SPMIP4: variants seen among roughly 807,000 people sequenced by gnomAD.
SPMIP4 encodes sperm-associated microtubule inner protein 4.
chr7:25,150,189 G>A, the SPMIP4 span, among the ~76,000 whole-genome samples: 26 of 152,136 alleles, frequency 1.7e-4, no homozygotes, highest in Non-Finnish European at 2.9e-4. Flanking sequence ...ATTCAGGATG[G>A]CTGCCAAGGA....
the SPMIP4 span, among the ~76,000 whole-genome samples, chr7:25,156,434 T>C: frequency 6.6e-6 from 1 of 152,198 alleles, no homozygotes; most frequent in African/African-American, 2.4e-5. Context: ...GAAGAGAATT[T>C]GAAAAGCTCA....
chr7:25,130,396 T>A, the SPMIP4 span, among the ~76,000 whole-genome samples: 1 of 144,270 alleles, frequency 6.9e-6, no homozygotes, highest in Admixed American at 7.0e-5. Flanking sequence ...CACTGCAACC[T>A]CTGCCTCCCA....
the SPMIP4 span, among the ~76,000 whole-genome samples, chr7:25,160,722 A>T: frequency 6.6e-6 from 1 of 152,286 alleles, no homozygotes; most frequent in African/African-American, 2.4e-5. Flanking sequence ...TAAATTAACA[A>T]GTATGCCTTA....
At chr7:25,140,604 C>T in the SPMIP4 span, among the ~76,000 whole-genome samples, 1 of 146,544 alleles carries the variant, frequency 6.8e-6, no homozygotes, top group Non-Finnish European at 1.5e-5. Flanking sequence ...GCCCGGCCCT[C>T]AGCTCAGTTT....
the SPMIP4 span, among the ~76,000 whole-genome samples, chr7:25,140,490 C>CA: frequency 6.6e-6 from 1 of 151,960 alleles, no homozygotes; most frequent in African/African-American, 2.4e-5. Flanking sequence ...TTAGTAGAGA[C>CA]AGGGTTTCAC....
At chr7:25,141,982 C>G in the SPMIP4 span, among the ~76,000 whole-genome samples, 1 of 152,156 alleles carries the variant, frequency 6.6e-6, no homozygotes, top group East Asian at 1.9e-4. Flanking sequence ...GTGATCTGTC[C>G]GCCTCGGCCT....
At chr7:25,179,129 A>G in the SPMIP4 span, 2 of 1,564,200 alleles carry the variant, frequency 1.3e-6, no homozygotes, top group Non-Finnish European at 1.7e-6. Flanking sequence ...ACACGAATAC[A>G]TTAAAACTGC....
the SPMIP4 span, among the ~76,000 whole-genome samples, chr7:25,155,695 C>A: frequency 1.2e-4 from 18 of 152,084 alleles, no homozygotes; most frequent in African/African-American, 4.1e-4. Context: ...CAAAATATAA[C>A]CCCTGTTTAT....
chr7:25,150,540 C>G, the SPMIP4 span, among the ~76,000 whole-genome samples: 1 of 152,200 alleles, frequency 6.6e-6, no homozygotes, highest in Non-Finnish European at 1.5e-5. Flanking sequence ...TTATCACTTG[C>G]CTATCTCATG....
the SPMIP4 span, among the ~76,000 whole-genome samples, chr7:25,132,370 ATTG>A: frequency 3.3e-5 from 5 of 152,108 alleles, no homozygotes; most frequent in Non-Finnish European, 5.9e-5. This position sits in a 1 kb window ranked among gnomAD's most constrained non-coding sequence, Gnocchi z 5.0. Flanking sequence ...CAGTATAACT[ATTG>A]TTGTGTGCAT....
the SPMIP4 span, among the ~76,000 whole-genome samples, chr7:25,130,293 C>T: frequency 1.3e-5 from 2 of 149,748 alleles, no homozygotes; most frequent in Non-Finnish European, 3.0e-5. Flanking sequence ...AAGCTGGGGA[C>T]AGTGGCTGGT....
At chr7:25,171,476 T>A in the SPMIP4 span, among the ~76,000 whole-genome samples, 1 of 152,220 alleles carries the variant, frequency 6.6e-6, no homozygotes, top group Non-Finnish European at 1.5e-5. Context: ...TGGCAAAAGT[T>A]CTGCTTCCTA....
the SPMIP4 span, chr7:25,136,080 C>G: frequency 1.9e-5 from 31 of 1,614,130 alleles, no homozygotes; most frequent in Non-Finnish European, 2.5e-5. The surrounding 1 kb of genome is among the most constrained non-coding windows in gnomAD (Gnocchi z 5.7). Context: ...TATGGAAACG[C>G]TTTTGTGCAC....
At chr7:25,140,876 C>T in the SPMIP4 span, among the ~76,000 whole-genome samples, 2 of 152,176 alleles carry the variant, frequency 1.3e-5, no homozygotes, top group South Asian at 2.1e-4. Context: ...CATGAGCCAC[C>T]GAGCCTGACC....
the SPMIP4 span, chr7:25,135,050 T>A: frequency 3.4e-6 from 2 of 583,728 alleles, no homozygotes; most frequent in Non-Finnish European, 4.3e-6. Flanking sequence ...ACAAAATACT[T>A]AAAGAAATTC....
At chr7:25,151,176 A>C in the SPMIP4 span, among the ~76,000 whole-genome samples, 1 of 152,150 alleles carries the variant, frequency 6.6e-6, no homozygotes, top group Admixed American at 6.5e-5. Context: ...AATCATAGTC[A>C]AAATCTCAAA....
At chr7:25,144,958 CTGT>C in the SPMIP4 span, among the ~76,000 whole-genome samples, 6 of 83,506 alleles carry the variant, frequency 7.2e-5, no homozygotes, top group Non-Finnish European at 1.2e-4. Context: ...ATAAGAAGGA[CTGT>C]TTTTTTTTTT....
the SPMIP4 span, chr7:25,136,257 C>T: frequency 4.3e-6 from 7 of 1,614,078 alleles, no homozygotes; most frequent in East Asian, 4.5e-5. This position sits in a 1 kb window ranked among gnomAD's most constrained non-coding sequence, Gnocchi z 5.7. Context: ...TGAAAGCTTC[C>T]GTGTCTTGTT....
the SPMIP4 span, chr7:25,142,484 G>T: frequency 4.6e-6 from 4 of 873,540 alleles, no homozygotes; most frequent in African/African-American, 3.5e-5. Flanking sequence ...CCTATGAAGA[G>T]AAATTTACCA....
Sources: gnomAD v4.1 joint callset for allele counts (sites outside exome capture counted in the v4.1 genomes callset) on GRCh38, gnomAD v4.1.1 for gene constraint, Gnocchi (gnomAD v3.1) non-coding constraint, MANE v1.5 for transcripts, NCBI Gene and HGNC (gene_info 2026-07-23, HGNC 2026-07-21) for gene names.